The following GHR variants were observed in gnomAD, a reference collection of about 807,000 sequenced individuals.
The protein encoded by GHR is GH receptor.
A neutral mutation model predicts 67.1 loss-of-function variants in GHR; 35 were observed. The ratio of observed to expected loss-of-function variants is 0.52; its 90% confidence interval spans 0.40 to 0.69. The LOEUF (loss-of-function observed/expected upper bound fraction) is 0.69, where lower values mean the gene tolerates loss of function less well. Among genes scored for constraint, GHR ranks in the 30% least tolerant of loss-of-function variants. The pLI is 0.00. For synonymous variants in GHR, 272 were observed against 269.1 expected, an observed-to-expected ratio of 1.01 and a Z score of -0.10; for missense variants, 792 against 764.6, an observed-to-expected ratio of 1.04 and a Z score of -0.42.
intron 1 of GHR, among the ~76,000 whole-genome samples, chr5:42,555,243 T>C (rs1224811462): frequency 6.6e-6 from 1 of 152,188 alleles, no homozygotes; most frequent in East Asian, 1.9e-4. Context: ...TATTGGAGGT[T>C]CTAAGGCATA....
At chr5:42,478,839 G>A (rs1424741471) in intron 1 of GHR, among the ~76,000 whole-genome samples, 3 of 152,260 alleles carry the variant, frequency 2.0e-5, no homozygotes, top group Admixed American at 6.5e-5. Flanking sequence ...AACAGGGACA[G>A]TTTGACTTCC....
In GHR at chr5:42,576,683, T is replaced by C. The variant is rs536382709; in HGVS notation, c.70+10739T>C. On this transcript the variant is annotated intron_variant, in intron 2 of 9. Coordinates refer to ENST00000230882, the MANE Select transcript of GHR (RefSeq NM_000163.5). ...AAAACTATCTTGAAGATGTTTCTAA[T>C]GTTTAAGACATAATAGCATAAGCCT... 2.0e-5 allele frequency among the ~76,000 whole-genome samples: 3 copies of C among 152,370 alleles called. No homozygotes were observed. In the East Asian group the frequency reaches 5.8e-4, roughly 29 times the overall value.
chr5:42,548,414 T>C, intron 1 of GHR: 1 of 985,006 alleles, frequency 1.0e-6, no homozygotes, highest in Non-Finnish European at 1.2e-6. Flanking sequence ...TGTGATGTGA[T>C]CTGCTTGCAT....
chr5:42,718,444 A>G lies in GHR; in HGVS notation c.946-9A>G, dbSNP rs1758835122. 5 of 1,594,942 alleles carry G rather than the reference A, an allele frequency of 3.1e-6. No individual in the cohort carries two copies. Among genetic ancestry groups the G allele is most frequent in the Middle Eastern group, 1.7e-4 (1 of 6,036 alleles). ...TTTCATAGATCTTCATTTTCTTTCT[A>G]TTTTCTAGGAAGGAAAATTAGAGGA... On this transcript the variant is annotated splice_polypyrimidine_tract_variant and intron_variant, in intron 9 of 9. Transcript: ENST00000230882.
intron 3 of GHR, among the ~76,000 whole-genome samples, chr5:42,677,496 T>C (rs1756628453): frequency 6.6e-6 from 1 of 152,104 alleles, no homozygotes. Context: ...TATAGCAACA[T>C]CTCCTAGTTA....
intron 2 of GHR, among the ~76,000 whole-genome samples, chr5:42,574,122 G>A (rs1750499337): frequency 6.6e-6 from 1 of 152,180 alleles, no homozygotes; most frequent in Non-Finnish European, 1.5e-5. Flanking sequence ...CTGCATCCCT[G>A]GTTGGAGCAA....
chr5:42,696,553 TA>T (rs1757683117), intron 5 of GHR, among the ~76,000 whole-genome samples: 1 of 152,190 alleles, frequency 6.6e-6, no homozygotes, highest in African/African-American at 2.4e-5. Flanking sequence ...GTTCCAACAG[TA>T]ACTTAGTAGT....
At chr5:42,518,914 G>A (rs1049923687) in intron 1 of GHR, among the ~76,000 whole-genome samples, 1 of 152,160 alleles carries the variant, frequency 6.6e-6, no homozygotes, top group Non-Finnish European at 1.5e-5. Context: ...TGTTAGTCAT[G>A]TGACTTTTTC....
intron 2 of GHR, among the ~76,000 whole-genome samples, chr5:42,590,651 G>T (rs1751727044): frequency 6.6e-6 from 1 of 152,116 alleles, no homozygotes; most frequent in African/African-American, 2.4e-5. Flanking sequence ...TCCAGTTTTT[G>T]CCACTTAAAC....
At chr5:42,468,733 C>A in intron 1 of GHR, 1 of 999,618 alleles carries the variant, frequency 1.0e-6, no homozygotes, top group African/African-American at 1.6e-5. Flanking sequence ...CCCAGAGACG[C>A]CGCCCCCGCC....
At chr5:42,535,076 A>G (rs935103202) in intron 1 of GHR, among the ~76,000 whole-genome samples, 1 of 152,160 alleles carries the variant, frequency 6.6e-6, no homozygotes, top group East Asian at 1.9e-4. Flanking sequence ...TCAGACGTAT[A>G]GATTGTGAAG....
Position 42,632,232 on chromosome 5 carries a change from C to A in GHR, c.136+3129C>A, listed in dbSNP as rs541700055. Among the ~76,000 whole-genome samples, 8 of 152,222 alleles carry A rather than the reference C, an allele frequency of 5.3e-5. No homozygotes were observed. The South Asian group carries it at 1.7e-3, about 32-fold the overall frequency. ...GTATTTTCCCTCCTCTGGTACACTG[C>A]TCATGTCATCGAATCTATCTTCCTC... On this transcript the variant is annotated intron_variant, in intron 3 of 9. Transcript: ENST00000230882.
intron 3 of GHR, among the ~76,000 whole-genome samples, chr5:42,682,367 T>C (rs1756928004): frequency 1.3e-5 from 2 of 152,224 alleles, no homozygotes; most frequent in South Asian, 4.1e-4. Context: ...AGTTCAGAAA[T>C]GATTTTCTGT....
At chr5:42,674,342 A>G (rs1462685225) in intron 3 of GHR, among the ~76,000 whole-genome samples, 1 of 152,194 alleles carries the variant, frequency 6.6e-6, no homozygotes, top group Non-Finnish European at 1.5e-5. Context: ...TGTTTTAGAT[A>G]GTTTTTTTAT....
intron 3 of GHR, among the ~76,000 whole-genome samples, chr5:42,671,994 A>C (rs1052808116): frequency 2.6e-5 from 4 of 151,194 alleles, no homozygotes; most frequent in Middle Eastern, 3.4e-3. Context: ...TTGAAGGAAT[A>C]TTTCTCAAAA....
chr5:42,564,722 G>A (rs574471748), intron 1 of GHR, among the ~76,000 whole-genome samples: 1 of 152,264 alleles, frequency 6.6e-6, no homozygotes, highest in Admixed American at 6.5e-5. Flanking sequence ...AAACATCTTT[G>A]CTCATTATTT....
At chr5:42,545,665 A>G (rs1332832905) in intron 1 of GHR, among the ~76,000 whole-genome samples, 1 of 152,196 alleles carries the variant, frequency 6.6e-6, no homozygotes, top group East Asian at 1.9e-4. Context: ...GGAAATCTTC[A>G]TGTTTGTCTT....
At chr5:42,705,872 T>C (rs567795767) in intron 6 of GHR, among the ~76,000 whole-genome samples, 2 of 152,286 alleles carry the variant, frequency 1.3e-5, no homozygotes, top group East Asian at 1.9e-4. Context: ...CATGTGTCTT[T>C]ATGGTAAAAT....
chr5:42,434,951 A>G (rs994402990), intron 1 of GHR, among the ~76,000 whole-genome samples: 10 of 152,176 alleles, frequency 6.6e-5, no homozygotes, highest in Non-Finnish European at 1.3e-4. Flanking sequence ...TATCTTTACT[A>G]TCTTTGTGAC....
Sources: allele counts gnomAD v4.1 joint callset (sites outside exome capture counted in the v4.1 genomes callset), GRCh38; gene constraint gnomAD v4.1.1; transcripts MANE v1.5; gene names NCBI Gene and HGNC (gene_info 2026-07-23, HGNC 2026-07-21).